Variants in SRRD observed in about 807,000 individuals in gnomAD.
SRRD encodes SRR1 domain containing.
SRRD carries 28 observed loss-of-function variants against 30.7 expected under a neutral mutation model. The observed-to-expected ratio is 0.91, with a 90% CI of 0.68 to 1.25. The LOEUF (loss-of-function observed/expected upper bound fraction) is 1.25, where lower values mean the gene tolerates loss of function less well. SRRD is among the 50% of genes most tolerant of loss of function. SRRD has a pLI of 0.00. For missense variants in SRRD, 415 were observed against 417.3 expected (o/e 0.99, Z 0.05); for synonymous variants, 161 against 159.6 (o/e 1.01, Z -0.07).
chr22:26,484,140 G>C, intron 1 of SRRD, 41 bp downstream of exon 1: 12 of 1,516,326 alleles, frequency 7.9e-6, no homozygotes, highest in Non-Finnish European at 1.1e-5. Flanking sequence ...TTGCGCCCAT[G>C]GGCAATTCTG....
rs762497462 is a variant in SRRD, at chr22:26,494,617, C to T, written c.*2945C>T. On this transcript the variant is annotated 3_prime_UTR_variant, in exon 7 of 7. Transcript: ENST00000215917. ...GCAAATAAAGTGCTTGGAACAGCTT[C>T]TGATACATGGCAAATGTCCAATAAA... The T allele has an allele frequency of 1.1e-4, 98 of 919,880 alleles. No individual in the cohort carries two copies. Among genetic ancestry groups the T allele is most frequent in the Non-Finnish European group, 1.5e-4 (92 of 622,494 alleles). 57.0% of individuals were successfully genotyped at this position (919,880 alleles called of 1,614,324 possible). A position where few individuals can be genotyped will look rare whatever the true frequency, so the allele number is the denominator to read the frequency against.
Position 26,494,298 on chromosome 22 carries a change from A to G in SRRD, c.*2626A>G, listed in dbSNP as rs894543435. The G allele has an allele frequency of 1.2e-6, 2 of 1,614,252 alleles. No homozygotes were observed. Among genetic ancestry groups the G allele is most frequent in the Non-Finnish European group, 1.7e-6 (2 of 1,180,050 alleles). The stretch of plus-strand genomic sequence containing the variant: ...TTTGGGCTGTTACTGAGCCAAGAGC[A>G]CAGCACCTGCCAAAAAGAAAAATTA... On this transcript the variant is annotated 3_prime_UTR_variant, in exon 7 of 7. Coordinates refer to ENST00000215917, the MANE Select transcript of SRRD (RefSeq NM_001013694.3).
rs71192931 is a variant in SRRD, at chr22:26,490,559, C to CTT, written c.764+382_764+383dup. On this transcript the variant is annotated intron_variant, in intron 5 of 6. Transcript: ENST00000215917. Reference sequence around the variant, plus strand: ...ATGGGCACAATTACTGGAATATTTGCTTTTTTTTTTTTTTTTTTTTTTGAG... The same window carrying CTT: ...ATGGGCACAATTACTGGAATATTTGCTTTTTTTTTTTTTTTTTTTTTTTTGAG... Among the ~76,000 whole-genome samples the CTT allele has an allele frequency of 3.4e-3, 175 of 51,822 alleles. 18 individuals are homozygous for CTT. Among genetic ancestry groups the CTT allele is most frequent in the African/African-American group, 4.2e-3 (58 of 13,744 alleles). The allele number at this position is 51,822 out of a possible 152,430, so 34.0% of individuals were successfully genotyped here. A position where few individuals can be genotyped will look rare whatever the true frequency, so the allele number is the denominator to read the frequency against.
rs71192931 is a variant in SRRD, at chr22:26,490,559, C to CTTTTTTTTTTTTTTTTTTTTTTTTTT, written c.764+383_764+384insTTTTTTTTTTTTTTTTTTTTTTTTTT. 2.1e-4 allele frequency among the ~76,000 whole-genome samples: 11 copies of CTTTTTTTTTTTTTTTTTTTTTTTTTT among 51,844 alleles called. 4 individuals carry two copies. The highest frequency in any genetic ancestry group is 2.7e-4 in the Non-Finnish European group (8 of 29,492). 34.0% of individuals were successfully genotyped at this position (51,844 alleles called of 152,430 possible). On this transcript the variant is annotated intron_variant, in intron 5 of 6. Transcript: ENST00000215917. ...ATGGGCACAATTACTGGAATATTTG[C>CTTTTTTTTTTTTTTTTTTTTTTTTTT]TTTTTTTTTTTTTTTTTTTTTTGAG...
chr22:26,487,172 C>T (rs878894332), intron 2 of SRRD, among the ~76,000 whole-genome samples: 2 of 152,008 alleles, frequency 1.3e-5, no homozygotes, highest in South Asian at 4.1e-4. Context: ...CTGCCCACCT[C>T]GGTCTCCCAA....
rs1921620632 is a variant in SRRD, at chr22:26,494,170, A to G, written c.*2498A>G. ...TGGAGGACACCGCCCGGTTCATGAT[A>G]TCAAGTGCCTCATTAAATTTGTCCT... On this transcript the variant is annotated 3_prime_UTR_variant, in exon 7 of 7. Transcript: ENST00000215917. 2 of 1,614,234 alleles carry G rather than the reference A, an allele frequency of 1.2e-6. No individual in the cohort carries two copies. Among genetic ancestry groups the G allele is most frequent in the Non-Finnish European group, 1.7e-6 (2 of 1,180,036 alleles).
chr22:26,484,632 A>AT (rs1167371425), intron 1 of SRRD, among the ~76,000 whole-genome samples: 1 of 152,156 alleles, frequency 6.6e-6, no homozygotes. Context: ...TAGCTCACTG[A>AT]TTCTCAAAGA....
chr22:26,488,457 C>T lies in SRRD; in HGVS notation c.578C>T (p.Thr193Ile), dbSNP rs1407159973. 1.2e-6 allele frequency: 2 copies of T among 1,614,086 alleles called. No homozygotes were observed. The highest frequency in any genetic ancestry group is 1.3e-5 in the African/African-American group (1 of 75,054). Reference protein sequence around the residue: ...FSQLEIEVLNTLGVTVLSENE... With the variant: ...FSQLEIEVLNILGVTVLSENE... ...CAACTTGAAATTGAAGTCCTTAACA[C>T]CCTTGGTGTGACTGTTCTCAGTGAG... The change falls in exon 4 of 7, where the codon ACC becomes ATC. Residue 193 changes from threonine to isoleucine, a missense_variant. By Grantham distance (89) the Thr-to-Ile change is moderately conservative. Coordinates refer to ENST00000215917, the MANE Select transcript of SRRD (RefSeq NM_001013694.3).
rs1356107431 is a variant in SRRD at position 26,492,019 on chromosome 22, G to A, written c.*347G>A. On this transcript the variant is annotated 3_prime_UTR_variant, in exon 7 of 7. Transcript: ENST00000215917. ...GTTCTGGACCTGCCACAGTTCACTT[G>A]GCCATGTCGATCAGGCTCTGCAGTG... 5 of 1,594,022 alleles carry A rather than the reference G, an allele frequency of 3.1e-6. No homozygotes were observed. Among genetic ancestry groups the A allele is most frequent in the Non-Finnish European group, 4.3e-6 (5 of 1,170,300 alleles).
At position 26,483,951 on chromosome 22, in the gene SRRD, C is replaced by G. The variant is rs910733217; in HGVS notation, c.61C>G (p.Arg21Gly). 1.5e-6 allele frequency: 2 copies of G among 1,363,256 alleles called. No homozygotes were observed. Among genetic ancestry groups the G allele is most frequent in the South Asian group, 1.8e-5 (1 of 56,450 alleles). 84.4% of individuals were successfully genotyped at this position (1,363,256 alleles called of 1,614,324 possible). The change falls in exon 1 of 7, where the codon CGC becomes GGC. Residue 21 changes from arginine (R) to glycine (G), a missense_variant. By Grantham distance (125) the Arg-to-Gly change is moderately radical (BLOSUM62 -2). Transcript: ENST00000215917. ...SWQAAAPRKR[R>G]SAARRPRRRE... ...GCAGGCGGCGGCTCCGCGGAAGAGG[C>G]GCTCCGCGGCTCGACGGCCGCGGCG...
chr22:26,488,231 C>G lies in SRRD; in HGVS notation c.453C>G (p.Thr151=). Residue 151 remains threonine (T), a synonymous_variant, in exon 3 of 7, where the codon ACC becomes ACG. Coordinates refer to ENST00000215917, the MANE Select transcript of SRRD (RefSeq NM_001013694.3). ...CVCYGIGNFA[T]CIVARNQLTF... is the part of the protein sequence containing the mutation. ...GTTACGGCATTGGGAACTTTGCCAC[C>G]TGCATCGTAGCTAGAAACCAGCTAA... The G allele has an allele frequency of 6.2e-7, 1 of 1,614,220 alleles. No homozygotes were observed. Among genetic ancestry groups the G allele is most frequent in the South Asian group, 1.1e-5 (1 of 91,088 alleles).
chr22:26,487,416 G>A (rs1003050258), intron 2 of SRRD, among the ~76,000 whole-genome samples: 1 of 152,174 alleles, frequency 6.6e-6, no homozygotes, highest in African/African-American at 2.4e-5. Context: ...CTGGAATGCA[G>A]CGGTGTGATC....
In SRRD at chr22:26,491,735, G is replaced by T; in HGVS notation, c.*63G>T. ...GCTGCCACCAGAGACTAAAGGGAAG[G>T]CTGCTATGGAGGAACTACAGAGAAC... On this transcript the variant is annotated 3_prime_UTR_variant, in exon 7 of 7. Coordinates refer to ENST00000215917, the MANE Select transcript of SRRD (RefSeq NM_001013694.3). 1 of 1,463,400 alleles carries T rather than the reference G, an allele frequency of 6.8e-7. No homozygotes were observed. The highest frequency in any genetic ancestry group is 1.2e-5 in the South Asian group (1 of 84,830). The allele number at this position is 1,463,400 out of a possible 1,614,324, so 90.7% of individuals were successfully genotyped here.
At position 26,493,748 on chromosome 22, in the gene SRRD, A is replaced by G. The variant is rs1921534912; in HGVS notation, c.*2076A>G. 9.5e-6 allele frequency: 2 copies of G among 210,162 alleles called. No individual in the cohort carries two copies. Among genetic ancestry groups the G allele is most frequent in the Non-Finnish European group, 2.0e-5 (2 of 102,040 alleles). The allele number at this position is 210,162 out of a possible 1,614,324, so 13.0% of individuals were successfully genotyped here. On this transcript the variant is annotated 3_prime_UTR_variant, in exon 7 of 7. Transcript: ENST00000215917. ...GGTAAAATGGGGCTGATTAAGGCTG[A>G]GCAATCACCAAGTGTCAGACCGCGT...
rs71192931 is a variant in SRRD at position 26,490,559 on chromosome 22, C to CTTTTTTTTTTTTTTTTTTTTTTT, written c.764+383_764+384insTTTTTTTTTTTTTTTTTTTTTTT. On this transcript the variant is annotated intron_variant, in intron 5 of 6. Coordinates refer to ENST00000215917, the MANE Select transcript of SRRD (RefSeq NM_001013694.3). ...ATGGGCACAATTACTGGAATATTTG[C>CTTTTTTTTTTTTTTTTTTTTTTT]TTTTTTTTTTTTTTTTTTTTTTGAG... 9.3e-4 allele frequency among the ~76,000 whole-genome samples: 48 copies of CTTTTTTTTTTTTTTTTTTTTTTT among 51,846 alleles called. 14 individuals carry two copies. Among genetic ancestry groups the CTTTTTTTTTTTTTTTTTTTTTTT allele is most frequent in the Non-Finnish European group, 1.2e-3 (36 of 29,492 alleles). 34.0% of individuals were successfully genotyped at this position (51,846 alleles called of 152,430 possible). A position where few individuals can be genotyped will look rare whatever the true frequency, so the allele number is the denominator to read the frequency against.
chr22:26,489,933 C>T, intron 4 of SRRD, 111 bp from the exon 5 acceptor site: 3 of 1,268,584 alleles, frequency 2.4e-6, no homozygotes, highest in Non-Finnish European at 3.3e-6. Flanking sequence ...AGCTTTTTTC[C>T]TTTTGATCCT....
At position 26,486,040 on chromosome 22, in the gene SRRD, C is replaced by T; in HGVS notation, c.227C>T (p.Ser76Phe). 7 of 1,614,194 alleles carry T rather than the reference C, an allele frequency of 4.3e-6. No homozygotes were observed. Among genetic ancestry groups the T allele is most frequent in the Middle Eastern group, 1.7e-4 (1 of 6,060 alleles). The change falls in exon 2 of 7, where the codon TCT (serine) becomes TTT (phenylalanine). Residue 76 changes from serine (S) to phenylalanine (F), a missense_variant. Coordinates refer to ENST00000215917, the MANE Select transcript of SRRD (RefSeq NM_001013694.3). ...CTCAACAGGAAGGACCTGTTTATCTCTGATTTCTGGAGTTCAGCACTAGGT... is the reference window on the plus strand; with the variant it reads ...CTCAACAGGAAGGACCTGTTTATCTTTGATTTCTGGAGTTCAGCACTAGGT... ...IWEAEKDLFI[S>F]DFWSSALETI...
intron 6 of SRRD, 63 bp downstream of exon 6, chr22:26,491,133 T>TCTA (rs1569152871): frequency 2.8e-4 from 422 of 1,531,146 alleles, no homozygotes; most frequent in Admixed American, 1.6e-3. Context: ...AATTCTATCT[T>TCTA]TCTTTACAGG....
intron 5 of SRRD, among the ~76,000 whole-genome samples, chr22:26,490,559 C>CTTTTTTTGTTTTTTTTTTTTTTT (rs1921027462): frequency 3.9e-5 from 2 of 51,832 alleles, no homozygotes; most frequent in Non-Finnish European, 6.8e-5. Context: ...GGAATATTTG[C>CTTTTTTTGTTTTTTTTTTTTTTT]TTTTTTTTTT....
Sources: gnomAD v4.1 joint callset for allele counts (sites outside exome capture counted in the v4.1 genomes callset) on GRCh38, gnomAD v4.1.1 for gene constraint, MANE v1.5 for transcripts, NCBI Gene and HGNC (gene_info 2026-07-23, HGNC 2026-07-21) for gene names.